RB1CC1: variants seen among roughly 807,000 people sequenced by gnomAD.
The protein encoded by RB1CC1 is RB1 inducible coiled-coil 1, also known as RB1-inducible coiled-coil protein 1.
RB1CC1 carries 46 observed loss-of-function variants against 177.5 expected under a neutral mutation model. The observed-to-expected ratio is 0.26, with a 90% CI of 0.20 to 0.33. The LOEUF (loss-of-function observed/expected upper bound fraction) is 0.33. RB1CC1 is among the 10% of genes least tolerant of loss of function. The probability of loss-of-function intolerance (pLI) is 1.00; values close to 1 mark genes in which losing one functional copy is unlikely to be tolerated. For missense variants in RB1CC1, 1,703 were observed against 1,816.3 expected (o/e 0.94, Z 1.13); for synonymous variants, 666 against 613.6 (o/e 1.09, Z -1.26).
Position 52,658,923 on chromosome 8 carries a change from A to G in RB1CC1, c.1743T>C (p.Asp581=), listed in dbSNP as rs765016369. The G allele has an allele frequency of 3.8e-6, 6 of 1,589,590 alleles. No homozygotes were observed. The highest frequency in any genetic ancestry group is 2.3e-5 in the South Asian group (2 of 85,832). Residue 581 remains aspartate, a synonymous_variant, in exon 13 of 24, where the codon GAT becomes GAC. Transcript: ENST00000025008. The part of the protein sequence containing the change: ...DCELPDISLK[D]LQFLQSFCPS... ...GACAAAATGATTGCAGAAACTGTAA[A>G]TCTTTTAATGAAATATCTGGAAGTT...
At chr8:52,643,696 C>CA (rs34520917) in intron 16 of RB1CC1, among the ~76,000 whole-genome samples, 977 of 80,746 alleles carry the variant, frequency 0.012, 7 homozygotes, top group East Asian at 0.029. Flanking sequence ...CTCTAAGAGG[C>CA]AAAAAAAAAA....
intron 1 of RB1CC1, among the ~76,000 whole-genome samples, chr8:52,687,226 G>C (rs949173340): frequency 6.6e-6 from 1 of 152,138 alleles, no homozygotes; most frequent in African/African-American, 2.4e-5. Context: ...TTATGGTAAA[G>C]AAGTATCCAG....
intron 8 of RB1CC1, among the ~76,000 whole-genome samples, chr8:52,665,593 T>C (rs1205598000): frequency 6.6e-6 from 1 of 152,180 alleles, no homozygotes; most frequent in Non-Finnish European, 1.5e-5. Context: ...GTTTGATTCA[T>C]TCTATGGAAG....
chr8:52,623,625 T>C lies in RB1CC1; in HGVS notation c.*157A>G. The C allele has an allele frequency of 1.5e-6, 1 of 672,292 alleles. No individual in the cohort carries two copies. Among genetic ancestry groups the C allele is most frequent in the South Asian group, 1.5e-5 (1 of 65,254 alleles). 41.6% of individuals were successfully genotyped at this position (672,292 alleles called of 1,614,324 possible). The stretch of plus-strand genomic sequence containing the variant: ...TCTGATGAATTTATTATTCCTAAAA[T>C]GAAGCCAGTTAAAAAGTAAACGATG... On this transcript the variant is annotated 3_prime_UTR_variant, in exon 24 of 24. Transcript: ENST00000025008.
chr8:52,681,286 A>G (rs949300816), intron 5 of RB1CC1, among the ~76,000 whole-genome samples: 6 of 152,034 alleles, frequency 3.9e-5, no homozygotes, highest in Admixed American at 3.3e-4. Flanking sequence ...ATAAGCTACC[A>G]CACCTGAAAC....
chr8:52,638,383 C>T (rs972219867), intron 18 of RB1CC1, among the ~76,000 whole-genome samples: 1 of 151,968 alleles, frequency 6.6e-6, no homozygotes, highest in African/African-American at 2.4e-5. Context: ...TAGTATTTTG[C>T]CGATAATATT....
intron 15 of RB1CC1, among the ~76,000 whole-genome samples, chr8:52,654,951 T>C (rs1850949517): frequency 6.6e-6 from 1 of 152,190 alleles, no homozygotes; most frequent in Non-Finnish European, 1.5e-5. Context: ...AGCCTAGTTC[T>C]ATAATGAGGT....
chr8:52,695,329 C>A (rs1855293874), intron 1 of RB1CC1, among the ~76,000 whole-genome samples: 1 of 152,164 alleles, frequency 6.6e-6, no homozygotes, highest in Non-Finnish European at 1.5e-5. Context: ...CCAGAAGTAC[C>A]CACAGCACAA....
chr8:52,655,493 C>T (rs1590984395), intron 15 of RB1CC1, among the ~76,000 whole-genome samples: 1 of 151,990 alleles, frequency 6.6e-6, no homozygotes, highest in South Asian at 2.1e-4. Flanking sequence ...CAGTATCAAA[C>T]CTGCAGTTTA....
chr8:52,674,256 T>C lies in RB1CC1; in HGVS notation c.591A>G (p.Ser197=), dbSNP rs768455335. ...LKLTHLGTAV[S]VMAKIPLLEC... The stretch of plus-strand genomic sequence containing the variant: ...CCAACAGTGGAATCTTGGCCATTAC[T>C]GAAACTGCAGTTCCTAAACTTAAAA... The change falls in exon 7 of 24, where the codon TCA becomes TCG. Residue 197 remains serine (S), a synonymous_variant. Transcript: ENST00000025008. 44 of 1,606,060 alleles carry C rather than the reference T, an allele frequency of 2.7e-5. No homozygotes were observed. The highest frequency in any genetic ancestry group is 3.7e-5 in the Non-Finnish European group (43 of 1,172,902).
chr8:52,642,998 C>A, intron 16 of RB1CC1, 186 bp from the exon 17 acceptor site: 3 of 573,128 alleles, frequency 5.2e-6, no homozygotes, highest in Non-Finnish European at 5.2e-6. Context: ...TTCTTGGTTC[C>A]AATTTAAGTC....
intron 5 of RB1CC1, among the ~76,000 whole-genome samples, chr8:52,677,613 G>A (rs1853249777): frequency 6.6e-6 from 1 of 152,130 alleles, no homozygotes; most frequent in African/African-American, 2.4e-5. Flanking sequence ...TGAAAGAATG[G>A]ATGTAAAATG....
At chr8:52,694,373 G>T (rs1409037338) in intron 1 of RB1CC1, among the ~76,000 whole-genome samples, 2 of 148,534 alleles carry the variant, frequency 1.3e-5, no homozygotes, top group Non-Finnish European at 2.9e-5. Flanking sequence ...ATCCCCCCCG[G>T]GTAGTCCCCT....
chr8:52,662,304 T>C (rs575764392), intron 8 of RB1CC1, among the ~76,000 whole-genome samples: 2 of 152,148 alleles, frequency 1.3e-5, no homozygotes, highest in Admixed American at 1.3e-4. Flanking sequence ...AGAAAAACAT[T>C]TTTTCTGTTT....
At chr8:52,699,624 C>T (rs1184382829) in intron 1 of RB1CC1, among the ~76,000 whole-genome samples, 1 of 141,416 alleles carries the variant, frequency 7.1e-6, no homozygotes, top group Non-Finnish European at 1.5e-5. Context: ...GCCTGGCCAA[C>T]ATGGTGAAAC....
At chr8:52,711,918 CT>C (rs1857092292) in intron 1 of RB1CC1, among the ~76,000 whole-genome samples, 1 of 152,178 alleles carries the variant, frequency 6.6e-6, no homozygotes, top group Admixed American at 6.5e-5. Context: ...CCTTACTTCT[CT>C]TGGGCCTTTA....
intron 1 of RB1CC1, among the ~76,000 whole-genome samples, chr8:52,700,190 T>C (rs2150686048): frequency 6.6e-6 from 1 of 152,266 alleles, no homozygotes; most frequent in Non-Finnish European, 1.5e-5. Context: ...AAGGCAGTCT[T>C]TCACGGTGGT....
intron 22 of RB1CC1, among the ~76,000 whole-genome samples, chr8:52,625,437 C>G (rs1055459481): frequency 2.0e-5 from 3 of 152,044 alleles, no homozygotes; most frequent in Non-Finnish European, 4.4e-5. Context: ...TGTGACAAGC[C>G]AAGTGGTACC....
intron 21 of RB1CC1, 93 bp from the exon 22 acceptor site, chr8:52,628,261 A>G: frequency 8.5e-7 from 1 of 1,181,398 alleles, no homozygotes; most frequent in Non-Finnish European, 1.2e-6. Context: ...TCAACTACAT[A>G]TTAAGATATT....
Sources: gnomAD v4.1 joint callset for allele counts (sites outside exome capture counted in the v4.1 genomes callset) on GRCh38, gnomAD v4.1.1 for gene constraint, MANE v1.5 for transcripts, NCBI Gene and HGNC (gene_info 2026-07-23, HGNC 2026-07-21) for gene names.